The following DLGAP2 variants were observed in gnomAD, a reference collection of about 807,000 sequenced individuals.
DLGAP2 encodes disks large-associated protein 2.
A neutral mutation model predicts 100.3 loss-of-function variants in DLGAP2; 26 were observed. The ratio of observed to expected loss-of-function variants is 0.26; its 90% CI spans 0.19 to 0.36. The LOEUF is 0.36. Among genes scored for constraint, DLGAP2 ranks in the 10% least tolerant of loss-of-function variants. DLGAP2 has a pLI of 1.00. For missense variants in DLGAP2, 1,858 were observed against 1,453.2 expected, an observed-to-expected ratio of 1.28 and a Z score of -4.53; for synonymous variants, 886 against 630.1, an observed-to-expected ratio of 1.41 and a Z score of -6.08.
chr8:1,156,509 G>C (rs1296964046), intron 2 of DLGAP2, among the ~76,000 whole-genome samples: 1 of 151,932 alleles, frequency 6.6e-6, no homozygotes, highest in Non-Finnish European at 1.5e-5. Flanking sequence ...CACACAAGAA[G>C]TCAGGCGTCT....
intron 3 of DLGAP2, among the ~76,000 whole-genome samples, chr8:1,413,608 C>G (rs1247593342): frequency 6.6e-6 from 1 of 152,222 alleles, no homozygotes; most frequent in African/African-American, 2.4e-5. Flanking sequence ...TGTTCGAAGG[C>G]CCTTCTCTGG....
intron 6 of DLGAP2, among the ~76,000 whole-genome samples, chr8:1,616,489 C>CAACCAAGG (rs1296678744): frequency 6.6e-6 from 1 of 152,090 alleles, no homozygotes; most frequent in African/African-American, 2.4e-5. Flanking sequence ...GTCTGTAAAG[C>CAACCAAGG]AACCAAGGAA....
intron 1 of DLGAP2, among the ~76,000 whole-genome samples, chr8:744,851 C>G (rs34363368): frequency 0.26 from 39,742 of 152,152 alleles, 6,305 homozygotes; most frequent in Non-Finnish European, 0.36. Flanking sequence ...GCTGCTTCCC[C>G]GGCCCCGATG....
chr8:1,424,761 C>A (rs1797193366), intron 3 of DLGAP2, among the ~76,000 whole-genome samples: 1 of 152,174 alleles, frequency 6.6e-6, no homozygotes, highest in African/African-American at 2.4e-5. Flanking sequence ...CTGGAGAAGT[C>A]AGATGCACAG....
chr8:1,691,761 G>A, intron 13 of DLGAP2, 135 bp downstream of exon 13: 1 of 779,414 alleles, frequency 1.3e-6, no homozygotes. Context: ...TACTACAGAA[G>A]AGGCTTCCCG....
At chr8:1,695,220 G>C (rs58596330) in intron 13 of DLGAP2, among the ~76,000 whole-genome samples, 3 of 151,658 alleles carry the variant, frequency 2.0e-5, no homozygotes, top group African/African-American at 7.3e-5. Context: ...CCTACAGAAA[G>C]AGGGGCACAG....
intron 2 of DLGAP2, among the ~76,000 whole-genome samples, chr8:1,085,205 G>A (rs1388707296): frequency 1.3e-5 from 2 of 152,110 alleles, no homozygotes; most frequent in African/African-American, 2.4e-5. Flanking sequence ...TTTCTTAATT[G>A]GATAATTTCT....
chr8:1,676,847 C>T (rs1585053998), intron 11 of DLGAP2, among the ~76,000 whole-genome samples: 1 of 152,208 alleles, frequency 6.6e-6, no homozygotes, highest in Non-Finnish European at 1.5e-5. Context: ...AATTTATCAC[C>T]TCTGAAAGCA....
intron 1 of DLGAP2, among the ~76,000 whole-genome samples, chr8:769,942 C>G (rs552422379): frequency 1.4e-5 from 2 of 144,336 alleles, no homozygotes; most frequent in Non-Finnish European, 3.1e-5. Context: ...TCATGCCGAC[C>G]CCAGAGTCAC....
chr8:854,128 G>A (rs1410138768), intron 1 of DLGAP2, among the ~76,000 whole-genome samples: 1 of 152,170 alleles, frequency 6.6e-6, no homozygotes, highest in Non-Finnish European at 1.5e-5. Flanking sequence ...CCCGTTTCTT[G>A]TATGTCACCC....
At chr8:1,026,034 C>G (rs895967721) in intron 2 of DLGAP2, among the ~76,000 whole-genome samples, 1 of 152,238 alleles carries the variant, frequency 6.6e-6, no homozygotes, top group Admixed American at 6.5e-5. Context: ...GGCTCCGGCC[C>G]GTCCAGGCCG....
intron 3 of DLGAP2, among the ~76,000 whole-genome samples, chr8:1,265,980 C>T (rs1008836345): frequency 6.6e-5 from 10 of 152,084 alleles, no homozygotes; most frequent in Admixed American, 6.6e-4. Context: ...CTATAAGAAC[C>T]ATCTACTTTA....
intron 2 of DLGAP2, among the ~76,000 whole-genome samples, chr8:1,114,847 C>T (rs1466709979): frequency 6.6e-6 from 1 of 152,164 alleles, no homozygotes; most frequent in South Asian, 2.1e-4. Context: ...ACGAATTTTC[C>T]TGTTAACACT....
At chr8:998,203 CAT>C (rs929214433) in intron 2 of DLGAP2, among the ~76,000 whole-genome samples, 4 of 152,244 alleles carry the variant, frequency 2.6e-5, no homozygotes, top group African/African-American at 9.6e-5. Context: ...TAAATACACA[CAT>C]ACACATGCAT....
rs148594842 is a variant in DLGAP2, at chr8:1,279,459, C to G, written c.106+20576C>G. ...AAAACTAAGCTTCAAGGCGGAAATACATATCCCAATTAATATACCAAGAAG... is the reference window on the plus strand; with the variant it reads ...AAAACTAAGCTTCAAGGCGGAAATAGATATCCCAATTAATATACCAAGAAG... On this transcript the variant is annotated intron_variant, in intron 3 of 14. Transcript: ENST00000637795. Among the ~76,000 whole-genome samples the G allele has an allele frequency of 2.7e-4, 41 of 152,308 alleles. No homozygotes were observed. In the East Asian group the frequency reaches 6.9e-3, roughly 26 times the overall value.
At chr8:1,693,821 C>T (rs866141240) in intron 13 of DLGAP2, among the ~76,000 whole-genome samples, 21 of 152,320 alleles carry the variant, frequency 1.4e-4, no homozygotes, top group Admixed American at 1.2e-3. Context: ...TTGAGTGCCT[C>T]GAAAGAAGCC....
At chr8:1,648,661 G>T (rs1054162420) in intron 8 of DLGAP2, among the ~76,000 whole-genome samples, 1 of 152,134 alleles carries the variant, frequency 6.6e-6, no homozygotes, top group African/African-American at 2.4e-5. Flanking sequence ...GACAGGGGCC[G>T]TGTTCTGCAG....
chr8:1,081,775 T>G (rs1453543122), intron 2 of DLGAP2, among the ~76,000 whole-genome samples: 1 of 152,194 alleles, frequency 6.6e-6, no homozygotes, highest in Non-Finnish European at 1.5e-5. Context: ...CTAGGAACTT[T>G]GAGAATTTAA....
intron 2 of DLGAP2, among the ~76,000 whole-genome samples, chr8:983,202 A>C (rs1800389028): frequency 1.3e-5 from 2 of 152,176 alleles, no homozygotes; most frequent in South Asian, 4.1e-4. Context: ...TGCCCTTAGA[A>C]TCCACGTGTT....
Sources: gnomAD v4.1 joint callset for allele counts (sites outside exome capture counted in the v4.1 genomes callset) on GRCh38, gnomAD v4.1.1 for gene constraint, MANE v1.5 for transcripts, NCBI Gene and HGNC (gene_info 2026-07-23, HGNC 2026-07-21) for gene names.